The following LOXL3 variants were observed in gnomAD, a reference collection of about 807,000 sequenced individuals.
LOXL3 encodes the protein lysyl oxidase like 3, also known as lysyl oxidase homolog 3.
Under a neutral mutation model 91.8 loss-of-function variants are expected in LOXL3, and 60 were observed. That is an observed-to-expected ratio of 0.65 (90% CI 0.53 to 0.81). LOXL3 has a LOEUF of 0.81. Ranked by LOEUF, LOXL3 falls within the 30% of genes least tolerant of loss-of-function variation. The probability of loss-of-function intolerance (pLI) is 0.00; values close to 1 mark genes in which losing one functional copy is unlikely to be tolerated. For synonymous variants in LOXL3, 355 were observed against 387.6 expected (o/e 0.92, Z 0.99); for missense variants, 874 against 1,000.4 (o/e 0.87, Z 1.70).
rs143357774 is a variant in LOXL3 at position 74,552,424 on chromosome 2, C to T, written c.211G>A (p.Asp71Asn). Residue 71 changes from aspartate to asparagine, a missense_variant, in exon 2 of 14, where the codon GAT becomes AAT. Physicochemically the swap from Asp to Asn is conservative, Grantham distance 23 (BLOSUM62 1). Coordinates refer to ENST00000264094, the MANE Select transcript of LOXL3 (RefSeq NM_032603.5). ...GCAGCCTGCAGCGTGAAGTCATCAT[C>T]GCAGATGGTGCCCCATTCACCAGCT... ...QRAGEWGTICDDDFTLQAAHI... is the reference protein window; with the variant it reads ...QRAGEWGTICNDDFTLQAAHI... The T allele has an allele frequency of 5.0e-6, 8 of 1,613,786 alleles. No individual in the cohort carries two copies. The highest frequency in any genetic ancestry group is 4.0e-5 in the African/African-American group (3 of 74,938).
chr2:74,550,107 T>TA, intron 3 of LOXL3, 78 bp downstream of exon 3: 1 of 1,517,924 alleles, frequency 6.6e-7, no homozygotes, highest in African/African-American at 1.4e-5. Flanking sequence ...AACTACCTTC[T>TA]AATGTCTCCG....
At chr2:74,537,083 T>C (rs908700566) in intron 4 of LOXL3, among the ~76,000 whole-genome samples, 155 bp from the exon 5 acceptor site, 1 of 152,230 alleles carries the variant, frequency 6.6e-6, no homozygotes, top group African/African-American at 2.4e-5. Flanking sequence ...CCTCGGGAGA[T>C]ACATGGGGAT....
rs1676681049 is a variant in LOXL3 at position 74,547,667 on chromosome 2, G to C, written c.692+1702C>G. On this transcript the variant is annotated intron_variant, in intron 4 of 13. Coordinates refer to ENST00000264094, the MANE Select transcript of LOXL3 (RefSeq NM_032603.5). ...AAGACTGGAGACTGGATAATATCCTGACTTTCAAAAGAAAAAAAAAAAAGG... is the reference window on the plus strand; with the variant it reads ...AAGACTGGAGACTGGATAATATCCTCACTTTCAAAAGAAAAAAAAAAAAGG... Among the ~76,000 whole-genome samples the C allele has an allele frequency of 3.4e-5, 5 of 147,506 alleles. No individual in the cohort carries two copies. The South Asian group carries it at 1.1e-3, about 31-fold the overall frequency.
chr2:74,554,135 C>G (rs781370619), upstream of LOXL3: 20 of 153,144 alleles, frequency 1.3e-4, no homozygotes, highest in Non-Finnish European at 2.5e-4. This position sits in a 1 kb window ranked among gnomAD's most constrained non-coding sequence, Gnocchi z 4.9. Context: ...GCCCCCTCCC[C>G]CTCCCTGGCC....
chr2:74,555,079 C>T (rs533910133), upstream of LOXL3: 1 of 1,518,284 alleles, frequency 6.6e-7, no homozygotes, highest in African/African-American at 1.4e-5. This position sits in a 1 kb window ranked among gnomAD's most constrained non-coding sequence, Gnocchi z 6.1. Flanking sequence ...ACTTGCGCCG[C>T]AACCTCCTTC....
intron 2 of LOXL3, 22 bp from the exon 3 acceptor site, chr2:74,550,370 G>A: frequency 6.2e-7 from 1 of 1,608,778 alleles, no homozygotes; most frequent in Non-Finnish European, 8.5e-7. Context: ...GAGATGAAGG[G>A]ACAGAGAAGC....
At chr2:74,541,143 A>T (rs1430050574) in intron 4 of LOXL3, among the ~76,000 whole-genome samples, 4 of 152,244 alleles carry the variant, frequency 2.6e-5, no homozygotes, top group Non-Finnish European at 5.9e-5. Flanking sequence ...AATAAAATAT[A>T]ACAACTACTT....
At position 74,549,748 on chromosome 2, in the gene LOXL3, A is replaced by G. The variant is rs530623426; in HGVS notation, c.478-165T>C. 4.0e-5 allele frequency: 57 copies of G among 1,437,424 alleles called. No individual in the cohort carries two copies. The highest frequency in any genetic ancestry group is 1.1e-5 in the Non-Finnish European group (12 of 1,095,622). The allele number at this position is 1,437,424 out of a possible 1,614,324, so 89.0% of individuals were successfully genotyped here. ...ACGATGGCCGCAGTCCGCGGTGTGG[A>G]CTCTCTTGCAGCCAGCAGCGCGTGG... On this transcript the variant is annotated intron_variant, in intron 3 of 13. Coordinates refer to ENST00000264094, the MANE Select transcript of LOXL3 (RefSeq NM_032603.5). The surrounding 1 kb of genome is among the most constrained non-coding windows in gnomAD (Gnocchi z 5.3).
intron 4 of LOXL3, chr2:74,548,950 TG>T (rs1357460386): frequency 6.6e-6 from 1 of 151,924 alleles, no homozygotes; most frequent in Admixed American, 6.6e-5. Flanking sequence ...CCCCGGACCC[TG>T]GGCGCCCAGC....
Position 74,536,590 on chromosome 2 carries a change from C to T in LOXL3, c.912+119G>A, listed in dbSNP as rs1676036539. ...GGAGTGGGTGGTATCAGGTCTGTGG[C>T]CCACCCCCTGGAAGGCTCCTCTCTG... On this transcript the variant is annotated intron_variant, in intron 5 of 13. Transcript: ENST00000264094. The surrounding 1 kb of genome is among the most constrained non-coding windows in gnomAD (Gnocchi z 4.5). The T allele has an allele frequency of 2.8e-6, 4 of 1,438,332 alleles. No homozygotes were observed. The highest frequency in any genetic ancestry group is 3.8e-6 in the Non-Finnish European group (4 of 1,047,110). The allele number at this position is 1,438,332 out of a possible 1,614,324, so 89.1% of individuals were successfully genotyped here. A position where few individuals can be genotyped will look rare whatever the true frequency, so the allele number is the denominator to read the frequency against.
rs1675846237 is a variant in LOXL3 at position 74,534,243 on chromosome 2, G to A, written c.1940-7C>T. On this transcript the variant is annotated splice_polypyrimidine_tract_variant and splice_region_variant and intron_variant, in intron 11 of 13. Coordinates refer to ENST00000264094, the MANE Select transcript of LOXL3 (RefSeq NM_032603.5). The stretch of plus-strand genomic sequence containing the variant: ...TCATACCGCTTGGAGACATCTGGAG[G>A]GATTGGCATATGTCAGTGTAAGGAA... 1 of 1,614,186 alleles carries A rather than the reference G, an allele frequency of 6.2e-7. No individual in the cohort carries two copies. Among genetic ancestry groups the A allele is most frequent in the Non-Finnish European group, 8.5e-7 (1 of 1,180,024 alleles).
chr2:74,543,337 C>T (rs1273253296), intron 4 of LOXL3, among the ~76,000 whole-genome samples: 1 of 152,106 alleles, frequency 6.6e-6, no homozygotes, highest in Non-Finnish European at 1.5e-5. Context: ...CTAGTGTATT[C>T]ATAATCTTGT....
In LOXL3 at chr2:74,534,126, C is replaced by T. The variant is rs1156821859; in HGVS notation, c.2050G>A (p.Val684Met). ...TGGAGAATGTAGTTTCCTGGCTTCACATCCGTGATGTCAATCCACTGACAG... is the reference window on the plus strand; with the variant it reads ...TGGAGAATGTAGTTTCCTGGCTTCATATCCGTGATGTCAATCCACTGACAG... The part of the protein sequence containing the change: ...IDCQWIDITD[V>M]KPGNYILQVV... The change falls in exon 12 of 14, where the codon GTG (valine) becomes ATG (methionine). Residue 684 changes from valine (V) to methionine (M), a missense_variant. Transcript: ENST00000264094. The T allele has an allele frequency of 2.5e-6, 4 of 1,614,068 alleles. No individual in the cohort carries two copies. Among genetic ancestry groups the T allele is most frequent in the Middle Eastern group, 1.6e-4 (1 of 6,084 alleles).
rs1239731671 is a variant in LOXL3, at chr2:74,533,983, T to C, written c.2087A>G (p.Asn696Ser). ...ACTCTCTGCTACTTCAAAGTTTGGG[T>C]TGATGACAACCTGTGAGTGAGAAAA... ...PGNYILQVVI[N>S]PNFEVAESDF... Residue 696 changes from asparagine to serine, a missense_variant, in exon 13 of 14, where the codon AAC (asparagine) becomes AGC (serine). Asn to Ser is a conservative substitution (Grantham distance 46). Transcript: ENST00000264094. The C allele has an allele frequency of 6.2e-7, 1 of 1,614,032 alleles. No individual in the cohort carries two copies. The highest frequency in any genetic ancestry group is 1.1e-5 in the South Asian group (1 of 91,060).
intron 4 of LOXL3, 91 bp from the exon 5 acceptor site, chr2:74,537,019 GC>G (rs1263276058): frequency 4.8e-5 from 46 of 960,398 alleles, no homozygotes; most frequent in Non-Finnish European, 1.1e-5. Flanking sequence ...CCTCCACCAT[GC>G]CCCCCACCCT....
upstream of LOXL3, chr2:74,555,384 G>A (rs1329743036): frequency 1.2e-6 from 2 of 1,612,560 alleles, no homozygotes; most frequent in South Asian, 2.2e-5. The surrounding 1 kb of genome is among the most constrained non-coding windows in gnomAD (Gnocchi z 6.1). Flanking sequence ...CTCAGCGCTC[G>A]CACCTGCTGG....
At chr2:74,552,781 AAG>A in intron 1 of LOXL3, 135 bp from the exon 2 acceptor site, 1 of 769,656 alleles carries the variant, frequency 1.3e-6, no homozygotes, top group East Asian at 2.7e-5. Flanking sequence ...ACAGGAGAGA[AAG>A]AGCCCCAGGG....
intron 4 of LOXL3, among the ~76,000 whole-genome samples, chr2:74,544,610 G>A (rs1482886967): frequency 3.9e-5 from 6 of 152,134 alleles, no homozygotes. Flanking sequence ...TCAATTATCT[G>A]TACATTCTTT....
At chr2:74,552,229 G>T in intron 2 of LOXL3, 93 bp downstream of exon 2, 1 of 1,162,888 alleles carries the variant, frequency 8.6e-7, no homozygotes, top group Non-Finnish European at 1.2e-6. Flanking sequence ...TTGGTGTCGT[G>T]TGTCCCTATG....
Sources: allele counts gnomAD v4.1 joint callset (sites outside exome capture counted in the v4.1 genomes callset), GRCh38; gene constraint gnomAD v4.1.1; non-coding constraint Gnocchi (gnomAD v3.1); transcripts MANE v1.5; gene names NCBI Gene and HGNC (gene_info 2026-07-23, HGNC 2026-07-21).